DIAPH3: variants seen among roughly 807,000 people sequenced by gnomAD.
DIAPH3 encodes protein diaphanous homolog 3.
Under a neutral mutation model 144.3 loss-of-function variants are expected in DIAPH3, and 117 were observed. That is an observed-to-expected ratio of 0.81 (90% CI 0.70 to 0.95). The LOEUF is 0.95. Ranked by LOEUF, DIAPH3 falls within the 40% of genes least tolerant of loss-of-function variation. The pLI, the probability that DIAPH3 is intolerant of heterozygous loss-of-function variation, is 0.00. For missense variants in DIAPH3, 1,421 were observed against 1,412.7 expected (o/e 1.01, Z -0.09); for synonymous variants, 519 against 488.9 (o/e 1.06, Z -0.81).
intron 5 of DIAPH3, among the ~76,000 whole-genome samples, chr13:60,039,654 A>T (rs2055487534): frequency 6.6e-6 from 1 of 152,158 alleles, no homozygotes; most frequent in Non-Finnish European, 1.5e-5. Context: ...AGCATTGGAA[A>T]ACCATCAATC....
chr13:60,022,500 G>A (rs751729761), intron 5 of DIAPH3, among the ~76,000 whole-genome samples: 2 of 152,194 alleles, frequency 1.3e-5, no homozygotes, highest in African/African-American at 2.4e-5. Context: ...AGTTCTGGAA[G>A]CAAGGTGTTC....
chr13:59,904,338 T>C (rs974698593), intron 20 of DIAPH3, among the ~76,000 whole-genome samples: 65 of 152,346 alleles, frequency 4.3e-4, no homozygotes, highest in African/African-American at 1.4e-3. Flanking sequence ...ATTGTTGTAA[T>C]CATTTCATGG....
chr13:59,740,039 A>C (rs529233645), intron 27 of DIAPH3, among the ~76,000 whole-genome samples: 1 of 152,154 alleles, frequency 6.6e-6, no homozygotes, highest in African/African-American at 2.4e-5. Flanking sequence ...ATTTGAACCA[A>C]TCTCCTACAA....
At chr13:60,025,789 G>A (rs542038436) in intron 5 of DIAPH3, among the ~76,000 whole-genome samples, 1 of 152,096 alleles carries the variant, frequency 6.6e-6, no homozygotes, top group African/African-American at 2.4e-5. Context: ...AAGAGTTGAT[G>A]GAAGAAATTT....
chr13:59,925,845 T>C (rs1200773480), intron 17 of DIAPH3, among the ~76,000 whole-genome samples: 1 of 152,192 alleles, frequency 6.6e-6, no homozygotes, highest in Non-Finnish European at 1.5e-5. Flanking sequence ...CTAACAATCC[T>C]TTTTATTTCT....
chr13:59,781,019 G>A (rs761436463), intron 25 of DIAPH3, among the ~76,000 whole-genome samples: 16 of 152,184 alleles, frequency 1.1e-4, no homozygotes, highest in Admixed American at 2.0e-4. Context: ...AACCACCTAA[G>A]TTTAAAGGAC....
rs567959361 is a variant in DIAPH3 at position 59,669,470 on chromosome 13, C to A, written c.3320-2624G>T. Among the ~76,000 whole-genome samples, 4 of 152,168 alleles carry A rather than the reference C, an allele frequency of 2.6e-5. No individual in the cohort carries two copies. The South Asian group carries it at 8.3e-4, about 32-fold the overall frequency. On this transcript the variant is annotated intron_variant, in intron 27 of 27. Transcript: ENST00000400324. ...CACGTGCCTCACCCCTTCCCCAACA[C>A]CTATTATCTGCCTACTGCACACACA...
intron 17 of DIAPH3, among the ~76,000 whole-genome samples, chr13:59,961,299 T>C (rs531594501): frequency 6.6e-6 from 1 of 152,316 alleles, no homozygotes; most frequent in South Asian, 2.1e-4. Context: ...ATATGCATTA[T>C]ATAATCCTCA....
intron 17 of DIAPH3, among the ~76,000 whole-genome samples, chr13:59,930,930 T>C (rs1367591418): frequency 6.6e-6 from 1 of 152,162 alleles, no homozygotes; most frequent in Non-Finnish European, 1.5e-5. Flanking sequence ...AGACTAATTA[T>C]TGATCCAGCC....
chr13:59,678,849 A>G (rs1448535596), intron 27 of DIAPH3, among the ~76,000 whole-genome samples: 1 of 152,224 alleles, frequency 6.6e-6, no homozygotes, highest in African/African-American at 2.4e-5. Context: ...ATGAGTTAAT[A>G]TAGCAGGAAA....
At chr13:59,934,157 CTGAG>C (rs1234275898) in intron 17 of DIAPH3, among the ~76,000 whole-genome samples, 3 of 152,094 alleles carry the variant, frequency 2.0e-5, no homozygotes, top group Admixed American at 6.6e-5. Flanking sequence ...CTTTCTATAA[CTGAG>C]TATTTTAAAT....
chr13:59,892,114 A>T (rs1162675342), intron 20 of DIAPH3, among the ~76,000 whole-genome samples: 1 of 152,010 alleles, frequency 6.6e-6, no homozygotes. Flanking sequence ...AGATAGAAAA[A>T]CAACAAACAA....
chr13:59,860,404 T>G (rs975212919), intron 22 of DIAPH3, among the ~76,000 whole-genome samples: 1 of 152,214 alleles, frequency 6.6e-6, no homozygotes. Flanking sequence ...AAATTGGTTG[T>G]TTGACACCAA....
rs992157383 is a variant in DIAPH3 at position 59,689,661 on chromosome 13, C to T, written c.3320-22815G>A. Among the ~76,000 whole-genome samples, 13 of 151,870 alleles carry T rather than the reference C, an allele frequency of 8.6e-5. 1 individual carries two copies. The highest frequency in any genetic ancestry group is 6.2e-4 in the South Asian group (3 of 4,822). On this transcript the variant is annotated intron_variant, in intron 27 of 27. Coordinates refer to ENST00000400324, the MANE Select transcript of DIAPH3 (RefSeq NM_001042517.2). ...ATTATTTGACAGAAGTTGGTTTCCACGCTGATTTTGATGGCAGACGGTGGG... is the reference window on the plus strand; with the variant it reads ...ATTATTTGACAGAAGTTGGTTTCCATGCTGATTTTGATGGCAGACGGTGGG...
chr13:59,861,861 C>T (rs1453218350), intron 21 of DIAPH3, among the ~76,000 whole-genome samples: 1 of 152,136 alleles, frequency 6.6e-6, no homozygotes, highest in African/African-American at 2.4e-5. Flanking sequence ...TGGCATTCAT[C>T]CATTTATCAC....
chr13:59,734,241 T>C (rs566883002), intron 27 of DIAPH3, among the ~76,000 whole-genome samples: 2 of 152,288 alleles, frequency 1.3e-5, no homozygotes, highest in Non-Finnish European at 2.9e-5. Context: ...TTAGTAGGAA[T>C]GATACATAAT....
chr13:59,720,325 AT>A (rs1185041501), intron 27 of DIAPH3, among the ~76,000 whole-genome samples: 1 of 152,178 alleles, frequency 6.6e-6, no homozygotes, highest in Non-Finnish European at 1.5e-5. Flanking sequence ...CAAAATCTGA[AT>A]TTTGAACCAT....
chr13:59,747,330 T>C (rs578039819), intron 27 of DIAPH3, among the ~76,000 whole-genome samples: 26 of 152,256 alleles, frequency 1.7e-4, no homozygotes. Flanking sequence ...CAATAAATAT[T>C]TATGTGACTT....
intron 1 of DIAPH3, among the ~76,000 whole-genome samples, chr13:60,160,525 T>C (rs1952242941): frequency 6.6e-6 from 1 of 152,162 alleles, no homozygotes. Flanking sequence ...GAGAAACAGG[T>C]ATTACTGAAA....
Sources: allele counts gnomAD v4.1 joint callset (sites outside exome capture counted in the v4.1 genomes callset), GRCh38; gene constraint gnomAD v4.1.1; transcripts MANE v1.5; gene names NCBI Gene and HGNC (gene_info 2026-07-23, HGNC 2026-07-21).